LHCGR: variants seen among roughly 807,000 people sequenced by gnomAD.
The protein encoded by LHCGR is lutropin-choriogonadotropic hormone receptor.
A neutral mutation model predicts 60.7 loss-of-function variants in LHCGR; 55 were observed. The observed-to-expected ratio is 0.91, with a 90% CI of 0.73 to 1.13. The LOEUF is 1.13. Among genes scored for constraint, LHCGR ranks in the 50% most tolerant of loss-of-function variants. LHCGR has a pLI of 0.00. For synonymous variants in LHCGR, 337 were observed against 316.5 expected (o/e 1.06, Z -0.69); for missense variants, 862 against 836.0 (o/e 1.03, Z -0.38).
chr2:48,694,274 G>A lies in LHCGR; in HGVS notation c.897C>T (p.Asn299=), dbSNP rs1188514077. The part of the protein sequence containing the change: ...EQNFSHSISE[N]FSKQCESTVR... Reference sequence around the variant, plus strand: ...CTGTGCTTTCACATTGTTTGGAAAAGTTTTCAGAAATGGAATGTGAAAAAT... The same window carrying A: ...CTGTGCTTTCACATTGTTTGGAAAAATTTTCAGAAATGGAATGTGAAAAAT... The change falls in exon 10 of 11, where the codon AAC becomes AAT. Residue 299 remains asparagine (N), a synonymous_variant. Transcript: ENST00000294954. 6.2e-7 allele frequency: 1 copy of A among 1,601,378 alleles called. No homozygotes were observed. The highest frequency in any genetic ancestry group is 1.7e-5 in the Admixed American group (1 of 59,400).
chr2:48,721,665 A>G (rs1401494995), intron 6 of LHCGR: 1 of 470,464 alleles, frequency 2.1e-6, no homozygotes, highest in African/African-American at 2.0e-5. Flanking sequence ...CTCTGAGATG[A>G]TCTCTTCTTT....
At position 48,723,645 on chromosome 2, in the gene LHCGR, G is replaced by A. The variant is rs776946917; in HGVS notation, c.435C>T (p.Phe145=). ...ACAGAATGAAATTTGATTCAGAGGA[G>A]AAGACCTTCGTAACATCTGGAAACT... is the stretch of plus-strand genomic sequence containing the variant. ...IRKFPDVTKV[F]SSESNFILEI... The change falls in exon 5 of 11, where the codon TTC becomes TTT. Residue 145 remains phenylalanine (F), a synonymous_variant. Transcript: ENST00000294954. The A allele has an allele frequency of 6.2e-7, 1 of 1,613,828 alleles. No individual in the cohort carries two copies. The highest frequency in any genetic ancestry group is 8.5e-7 in the Non-Finnish European group (1 of 1,179,712).
At chr2:48,728,576 A>C (rs1022191946) in intron 3 of LHCGR, among the ~76,000 whole-genome samples, 1 of 152,164 alleles carries the variant, frequency 6.6e-6, no homozygotes, top group Non-Finnish European at 1.5e-5. Context: ...CAGATTCATC[A>C]CTTGAAAACT....
rs541702939 is a variant in LHCGR at position 48,699,049 on chromosome 2, C to T, written c.681-249G>A. ...CCGTGTTAGCCAGGATGGTGTCGAT[C>T]TTCTGACCTCGTGATCCGCCCACCT... On this transcript the variant is annotated intron_variant, in intron 8 of 10. Coordinates refer to ENST00000294954, the MANE Select transcript of LHCGR (RefSeq NM_000233.4). Among the ~76,000 whole-genome samples, 193 of 152,182 alleles carry T rather than the reference C, an allele frequency of 1.3e-3. 2 individuals are homozygous for T. Among genetic ancestry groups the T allele is most frequent in the Non-Finnish European group, 1.9e-3 (129 of 67,994 alleles).
At chr2:48,718,422 T>C (rs1362209339) in intron 6 of LHCGR, among the ~76,000 whole-genome samples, 2 of 152,340 alleles carry the variant, frequency 1.3e-5, no homozygotes, top group African/African-American at 4.8e-5. Context: ...GATTCTAATA[T>C]TAACAGTATT....
intron 9 of LHCGR, 132 bp from the exon 10 acceptor site, chr2:48,694,436 C>G: frequency 1.5e-6 from 1 of 676,656 alleles, no homozygotes; most frequent in Non-Finnish European, 2.7e-6. Flanking sequence ...GCACCATTGT[C>G]CTAACTGAAA....
intron 6 of LHCGR, among the ~76,000 whole-genome samples, chr2:48,715,087 CTT>C (rs932086450): frequency 6.6e-6 from 1 of 152,140 alleles, no homozygotes; most frequent in African/African-American, 2.4e-5. Flanking sequence ...TCAGTGGGGC[CTT>C]TACTGGCTGC....
intron 8 of LHCGR, among the ~76,000 whole-genome samples, chr2:48,705,041 C>G (rs1667595059): frequency 6.6e-6 from 1 of 152,178 alleles, no homozygotes; most frequent in South Asian, 2.1e-4. Flanking sequence ...CTATAAATTT[C>G]CCTCTACATA....
chr2:48,711,224 C>G (rs1316412974), intron 7 of LHCGR, among the ~76,000 whole-genome samples: 1 of 152,104 alleles, frequency 6.6e-6, no homozygotes, highest in East Asian at 1.9e-4. Flanking sequence ...AATCGTTCAC[C>G]CCTCATACTC....
At chr2:48,708,769 C>A in intron 8 of LHCGR, 179 bp downstream of exon 8, 1 of 670,590 alleles carries the variant, frequency 1.5e-6, no homozygotes. Context: ...GTCTAAGCCT[C>A]TCGGTTTGGG....
At chr2:48,712,780 A>G (rs1668057472) in intron 7 of LHCGR, among the ~76,000 whole-genome samples, 1 of 151,982 alleles carries the variant, frequency 6.6e-6, no homozygotes, top group Non-Finnish European at 1.5e-5. Flanking sequence ...CAAGCCTATT[A>G]TTGGATCCAT....
Position 48,741,484 on chromosome 2 carries a change from G to T in LHCGR, c.162-10186C>A, listed in dbSNP as rs935723777. 2.6e-5 allele frequency among the ~76,000 whole-genome samples: 4 copies of T among 152,282 alleles called. No homozygotes were observed. In the East Asian group the frequency reaches 7.7e-4, roughly 29 times the overall value. ...CAAAGGGAAGCCCATCAGACTAACA[G>T]CAGATCTCTCGGCAGAAACTCTACA... On this transcript the variant is annotated intron_variant, in intron 1 of 10. Coordinates refer to ENST00000294954, the MANE Select transcript of LHCGR (RefSeq NM_000233.4).
At chr2:48,742,144 A>G (rs1032009254) in intron 1 of LHCGR, among the ~76,000 whole-genome samples, 1 of 151,984 alleles carries the variant, frequency 6.6e-6, no homozygotes, top group African/African-American at 2.4e-5. Flanking sequence ...AGAGCTAACT[A>G]TCCTAAATAT....
intron 1 of LHCGR, among the ~76,000 whole-genome samples, chr2:48,737,702 T>C (rs1669261526): frequency 6.6e-6 from 1 of 152,236 alleles, no homozygotes; most frequent in Non-Finnish European, 1.5e-5. Context: ...GAAGTCAGTA[T>C]AGATGAACAT....
At chr2:48,699,239 TCTCA>T (rs757411045) in intron 8 of LHCGR, among the ~76,000 whole-genome samples, 2 of 152,222 alleles carry the variant, frequency 1.3e-5, no homozygotes, top group South Asian at 2.1e-4. Context: ...TTTCAATTAC[TCTCA>T]CTAAGATCTG....
At chr2:48,736,778 C>T (rs1222463329) in intron 1 of LHCGR, among the ~76,000 whole-genome samples, 2 of 152,104 alleles carry the variant, frequency 1.3e-5, no homozygotes. Flanking sequence ...TTATAAAAAC[C>T]TATCAATTGG....
At chr2:48,707,210 T>C (rs1667729146) in intron 8 of LHCGR, among the ~76,000 whole-genome samples, 1 of 152,248 alleles carries the variant, frequency 6.6e-6, no homozygotes, top group East Asian at 1.9e-4. Context: ...TTTGCCTGGA[T>C]ATCACCAGCA....
chr2:48,689,869 C>T (rs1485780021), intron 10 of LHCGR, among the ~76,000 whole-genome samples: 2 of 152,116 alleles, frequency 1.3e-5, no homozygotes, highest in East Asian at 1.9e-4. Context: ...CGCATGCCAC[C>T]GCACCCAGCT....
intron 1 of LHCGR, among the ~76,000 whole-genome samples, chr2:48,751,068 C>A (rs1669934887): frequency 6.6e-6 from 1 of 151,938 alleles, no homozygotes; most frequent in African/African-American, 2.4e-5. Context: ...ATATGTAAGC[C>A]CAGGATATTG....
Sources: allele counts gnomAD v4.1 joint callset (sites outside exome capture counted in the v4.1 genomes callset), GRCh38; gene constraint gnomAD v4.1.1; transcripts MANE v1.5; gene names NCBI Gene and HGNC (gene_info 2026-07-23, HGNC 2026-07-21).